TBC1D5: variants seen among roughly 807,000 people sequenced by gnomAD.
TBC1D5 encodes the protein TBC1 domain family member 5.
TBC1D5 carries 75 observed loss-of-function variants against 100.3 expected under a neutral mutation model. The observed-to-expected ratio is 0.75, with a 90% CI of 0.62 to 0.91. The LOEUF (loss-of-function observed/expected upper bound fraction) is 0.91. Among genes scored for constraint, TBC1D5 ranks in the 40% least tolerant of loss-of-function variants. The pLI, the probability that TBC1D5 is intolerant of heterozygous loss-of-function variation, is 0.00. For missense variants in TBC1D5, 910 were observed against 942.4 expected (o/e 0.97, Z 0.45); for synonymous variants, 323 against 325.6 (o/e 0.99, Z 0.09).
At chr3:17,347,469 A>C (rs1390167028) in intron 13 of TBC1D5, among the ~76,000 whole-genome samples, 1 of 152,094 alleles carries the variant, frequency 6.6e-6, no homozygotes, top group Non-Finnish European at 1.5e-5. Context: ...TAACTATAGC[A>C]ATTTTTCTCA....
rs545948291 is a variant in TBC1D5, at chr3:17,663,423, C to T, written c.-100-39510G>A. 2.0e-5 allele frequency among the ~76,000 whole-genome samples: 3 copies of T among 151,768 alleles called. No individual in the cohort carries two copies. In the South Asian group the frequency reaches 6.2e-4, roughly 31 times the overall value. Reference sequence around the variant, plus strand: ...AATATAGTAATTAAATATGAGAAAACTACCTGAGTAACAGGTAAATGGTAT... The same window carrying T: ...AATATAGTAATTAAATATGAGAAAATTACCTGAGTAACAGGTAAATGGTAT... On this transcript the variant is annotated intron_variant, in intron 1 of 21. Coordinates refer to ENST00000253692, the Ensembl canonical transcript of TBC1D5.
chr3:17,664,285 T>C, intron 1 of TBC1D5, among the ~76,000 whole-genome samples: 2 of 152,216 alleles, frequency 1.3e-5, no homozygotes, highest in Non-Finnish European at 1.5e-5. Flanking sequence ...TTGGCCAGGA[T>C]GGTCTCAATC....
chr3:17,228,194 G>T (rs2075095840), intron 17 of TBC1D5, among the ~76,000 whole-genome samples: 2 of 152,196 alleles, frequency 1.3e-5, no homozygotes, highest in Admixed American at 1.3e-4. Context: ...TTACAGGGTA[G>T]AATTCCCCAA....
intron 14 of TBC1D5, 146 bp from the exon 15 acceptor site, chr3:17,292,147 C>G: frequency 1.5e-6 from 1 of 681,426 alleles, no homozygotes; most frequent in Non-Finnish European, 2.4e-6. Context: ...AAGAAGGGAT[C>G]TTTACCAAAT....
chr3:17,420,642 G>C (rs73161408), intron 4 of TBC1D5, among the ~76,000 whole-genome samples: 13,866 of 151,994 alleles, frequency 0.091, 1,426 homozygotes, highest in African/African-American at 0.26. Context: ...ATTATTTTCT[G>C]ATACTTCAGT....
At chr3:17,653,951 A>T (rs542504108) in intron 1 of TBC1D5, among the ~76,000 whole-genome samples, 63 of 152,286 alleles carry the variant, frequency 4.1e-4, no homozygotes, top group African/African-American at 1.4e-3. Context: ...GGGTTATTCT[A>T]ATGGCAAGAA....
chr3:17,729,847 G>A (rs930311756), intron 1 of TBC1D5, among the ~76,000 whole-genome samples: 2 of 152,132 alleles, frequency 1.3e-5, no homozygotes, highest in East Asian at 1.9e-4. Flanking sequence ...GGTGGCTCAC[G>A]CCTGTAATCC....
chr3:17,168,790 C>T (rs544809252), intron 19 of TBC1D5, among the ~76,000 whole-genome samples: 10 of 151,966 alleles, frequency 6.6e-5, no homozygotes, highest in African/African-American at 9.7e-5. Flanking sequence ...TTCTTGGTGG[C>T]GTAAAAAAAT....
In TBC1D5 at chr3:17,194,970, C is replaced by A. The variant is rs551516493; in HGVS notation, c.1753-9762G>T. On this transcript the variant is annotated intron_variant, in intron 18 of 21. Coordinates refer to ENST00000253692, the Ensembl canonical transcript of TBC1D5. ...AATATACTGGAAATTGAAATAAAAC[C>A]TTTAATTAGGACCAACTTCACATAG... Among the ~76,000 whole-genome samples the A allele has an allele frequency of 8.5e-5, 13 of 152,260 alleles. No individual in the cohort carries two copies. In the East Asian group the frequency reaches 2.5e-3, roughly 29 times the overall value.
chr3:17,186,710 C>CA (rs58438478), intron 18 of TBC1D5, among the ~76,000 whole-genome samples: 692 of 27,282 alleles, frequency 0.025, 12 homozygotes, highest in East Asian at 0.058. Context: ...ACTCTATCTC[C>CA]AAAAAAAAAA....
At chr3:17,386,338 G>C (rs1038200405) in intron 8 of TBC1D5, among the ~76,000 whole-genome samples, 1 of 152,146 alleles carries the variant, frequency 6.6e-6, no homozygotes, top group Non-Finnish European at 1.5e-5. Flanking sequence ...AATTGATTAT[G>C]AAAGAAAGTA....
At chr3:17,568,262 C>A (rs1390739764) in intron 2 of TBC1D5, among the ~76,000 whole-genome samples, 1 of 151,142 alleles carries the variant, frequency 6.6e-6, no homozygotes, top group East Asian at 1.9e-4. Flanking sequence ...AGAGAGGTTG[C>A]TAGAAAGGTA....
intron 3 of TBC1D5, among the ~76,000 whole-genome samples, chr3:17,458,519 C>T (rs2095138232): frequency 6.6e-6 from 1 of 152,148 alleles, no homozygotes; most frequent in Admixed American, 6.5e-5. Context: ...CATCCTTTCT[C>T]ATCAGTATAC....
intron 18 of TBC1D5, among the ~76,000 whole-genome samples, chr3:17,188,504 C>T (rs2069442691): frequency 1.3e-5 from 2 of 152,222 alleles, no homozygotes; most frequent in South Asian, 4.1e-4. Context: ...CTGAAGCAGG[C>T]TGAGGTACCA....
intron 19 of TBC1D5, among the ~76,000 whole-genome samples, chr3:17,175,505 CTT>C (rs1332229824): frequency 6.6e-6 from 1 of 152,190 alleles, no homozygotes. Flanking sequence ...AAAAAGGAGA[CTT>C]TACACATATT....
intron 2 of TBC1D5, among the ~76,000 whole-genome samples, chr3:17,572,614 T>C (rs1483325635): frequency 2.0e-5 from 3 of 152,088 alleles, no homozygotes; most frequent in Non-Finnish European, 2.9e-5. Flanking sequence ...CCCATTTATA[T>C]ATCAACTACC....
chr3:17,552,604 G>C (rs562080872), intron 2 of TBC1D5, among the ~76,000 whole-genome samples: 1 of 152,246 alleles, frequency 6.6e-6, no homozygotes, highest in South Asian at 2.1e-4. Context: ...TGACCAAATA[G>C]AGCTTAAATG....
At chr3:17,418,382 T>C (rs977055978) in intron 4 of TBC1D5, among the ~76,000 whole-genome samples, 1 of 151,978 alleles carries the variant, frequency 6.6e-6, no homozygotes, top group Non-Finnish European at 1.5e-5. Context: ...CTGAGGTGGG[T>C]GGATCACCTG....
chr3:17,419,532 A>G (rs535469199), intron 4 of TBC1D5, among the ~76,000 whole-genome samples: 1 of 152,336 alleles, frequency 6.6e-6, no homozygotes, highest in East Asian at 1.9e-4. Flanking sequence ...GCATTGCTGA[A>G]GAGTGGAAAA....
Sources: allele counts gnomAD v4.1 joint callset (sites outside exome capture counted in the v4.1 genomes callset), GRCh38; gene constraint gnomAD v4.1.1; transcripts MANE v1.5; gene names NCBI Gene and HGNC (gene_info 2026-07-23, HGNC 2026-07-21).